The following SF3A1 variants were observed in gnomAD, a reference collection of about 807,000 sequenced individuals.
SF3A1 encodes the protein SAP 114.
A neutral mutation model predicts 89.9 loss-of-function variants in SF3A1; 13 were observed. That is an observed-to-expected ratio of 0.14 (90% CI 0.09 to 0.23). The LOEUF (loss-of-function observed/expected upper bound fraction) is 0.23, where lower values mean the gene tolerates loss of function less well. Among genes scored for constraint, SF3A1 ranks in the 10% least tolerant of loss-of-function variants. The pLI, the probability that SF3A1 is intolerant of heterozygous loss-of-function variation, is 1.00. For missense variants in SF3A1, 604 were observed against 1,022.1 expected (o/e 0.59, Z 5.58); for synonymous variants, 405 against 374.4 (o/e 1.08, Z -0.94).
At chr22:30,345,657 G>C (rs1205769657) in intron 3 of SF3A1, among the ~76,000 whole-genome samples, 1 of 152,210 alleles carries the variant, frequency 6.6e-6, no homozygotes, top group Non-Finnish European at 1.5e-5. Flanking sequence ...GTAGCCTGAG[G>C]TCCTAGGCCT....
In SF3A1 at chr22:30,353,337, T is replaced by C. The variant is rs779560403; in HGVS notation, c.64-265A>G. 7.5e-4 allele frequency among the ~76,000 whole-genome samples: 114 copies of C among 152,316 alleles called. 1 individual carries two copies. The highest frequency in any genetic ancestry group is 1.2e-3 in the Non-Finnish European group (84 of 68,026). On this transcript the variant is annotated intron_variant, in intron 1 of 15. Coordinates refer to ENST00000215793, the MANE Select transcript of SF3A1 (RefSeq NM_005877.6). ...TGAGACCAGGAATCTGCATTTTTAC[T>C]ATGGTATGAGACCAGCACTTCTCCT...
Position 30,345,150 on chromosome 22 carries a change from T to G in SF3A1, c.434A>C (p.Glu145Ala), listed in dbSNP as rs1931380668. 1 of 1,614,046 alleles carries G rather than the reference T, an allele frequency of 6.2e-7. No individual in the cohort carries two copies. The highest frequency in any genetic ancestry group is 1.1e-5 in the South Asian group (1 of 91,080). ...QVIQETIVPK[E>A]PPPEFEFIAD... Reference sequence around the variant, plus strand: ...AATGAACTCAAACTCAGGAGGAGGCTCTTTGGGCACGATGGTCTCTTGGAT... The same window carrying G: ...AATGAACTCAAACTCAGGAGGAGGCGCTTTGGGCACGATGGTCTCTTGGAT... Residue 145 changes from glutamate (E) to alanine (A), a missense_variant, in exon 4 of 16, where the codon GAG becomes GCG. Transcript: ENST00000215793.
At chr22:30,354,298 T>A (rs1003217644) in intron 1 of SF3A1, among the ~76,000 whole-genome samples, 3 of 152,132 alleles carry the variant, frequency 2.0e-5, no homozygotes, top group African/African-American at 4.8e-5. Context: ...CTTCCCTGCC[T>A]CCCATCTGGT....
At chr22:30,346,097 T>C (rs1207738601) in intron 3 of SF3A1, 1 of 567,988 alleles carries the variant, frequency 1.8e-6, no homozygotes, top group South Asian at 2.1e-5. Flanking sequence ...ACTCCTGAAG[T>C]ACCAAGCACA....
At chr22:30,342,516 G>A in intron 5 of SF3A1, 166 bp from the exon 6 acceptor site, 1 of 754,642 alleles carries the variant, frequency 1.3e-6, no homozygotes, top group South Asian at 1.9e-5. Flanking sequence ...GTGCAGAGTT[G>A]GGACAGAATG....
At chr22:30,335,829 CTGTCCAGACAA>C in intron 13 of SF3A1, 76 bp from the exon 14 acceptor site, 1 of 1,214,720 alleles carries the variant, frequency 8.2e-7, no homozygotes, top group South Asian at 1.2e-5. Context: ...ATCCCTAGGC[CTGTCCAGACAA>C]TGTCACCTGT....
In SF3A1 at chr22:30,332,864, G is replaced by A. The variant is rs749609163; in HGVS notation, c.*1730C>T. ...CAGCCTCAGCCACGGAAGTCCTGCAGGGTTTGCCAGTCTGTGGGGGTGAGT... is the reference window on the plus strand; with the variant it reads ...CAGCCTCAGCCACGGAAGTCCTGCAAGGTTTGCCAGTCTGTGGGGGTGAGT... On this transcript the variant is annotated 3_prime_UTR_variant, in exon 16 of 16. Coordinates refer to ENST00000215793, the MANE Select transcript of SF3A1 (RefSeq NM_005877.6). 2.0e-5 allele frequency: 3 copies of A among 152,252 alleles called. No homozygotes were observed. Among genetic ancestry groups the A allele is most frequent in the Non-Finnish European group, 2.9e-5 (2 of 68,076 alleles). The allele number at this position is 152,252 out of a possible 1,614,324, so 9.4% of individuals were successfully genotyped here.
chr22:30,347,552 T>A (rs1931457195), intron 2 of SF3A1, among the ~76,000 whole-genome samples: 1 of 152,074 alleles, frequency 6.6e-6, no homozygotes, highest in African/African-American at 2.4e-5. Flanking sequence ...CTTCAAAACC[T>A]CAGGATAATG....
intron 1 of SF3A1, 95 bp from the exon 2 acceptor site, chr22:30,353,167 C>T: frequency 1.4e-6 from 2 of 1,459,644 alleles, no homozygotes; most frequent in Non-Finnish European, 1.8e-6. Flanking sequence ...TCAGAGTAGA[C>T]TTTCATTCAC....
At chr22:30,356,265 G>A (rs1931830602) in intron 1 of SF3A1, among the ~76,000 whole-genome samples, 1 of 152,170 alleles carries the variant, frequency 6.6e-6, no homozygotes, top group African/African-American at 2.4e-5. Flanking sequence ...CACGGTGTCT[G>A]GCTTGGGGCA....
chr22:30,336,227 AAAAC>A (rs1414420280), intron 13 of SF3A1, among the ~76,000 whole-genome samples: 3 of 152,220 alleles, frequency 2.0e-5, no homozygotes, highest in African/African-American at 4.8e-5. Context: ...CTATTATTAA[AAAAC>A]AAACAGAGCG....
intron 5 of SF3A1, 104 bp downstream of exon 5, chr22:30,342,701 T>A: frequency 1.2e-6 from 1 of 807,292 alleles, no homozygotes; most frequent in Non-Finnish European, 2.1e-6. Flanking sequence ...CTCCCACCAT[T>A]CCCATGACTG....
rs762826119 is a variant in SF3A1, at chr22:30,338,881, T to C, written c.1651A>G (p.Asn551Asp). 6.8e-6 allele frequency: 11 copies of C among 1,614,052 alleles called. No homozygotes were observed. The highest frequency in any genetic ancestry group is 7.6e-6 in the Non-Finnish European group (9 of 1,180,036). The change falls in exon 11 of 16, where the codon AAT becomes GAT. Residue 551 changes from asparagine to aspartate, a missense_variant. Asn to Asp is a conservative substitution (Grantham distance 23). Transcript: ENST00000215793. ...TKEKIGPSKP[N>D]EIPQQPPPPS... Reference sequence around the variant, plus strand: ...GGCGGTGGCTGTTGAGGGATTTCATTGGGCTTGCTGGGGCCAATCTTCTCT... The same window carrying C: ...GGCGGTGGCTGTTGAGGGATTTCATCGGGCTTGCTGGGGCCAATCTTCTCT...
chr22:30,352,018 A>G (rs2145822118), intron 2 of SF3A1, among the ~76,000 whole-genome samples: 1 of 152,290 alleles, frequency 6.6e-6, no homozygotes, highest in Admixed American at 6.5e-5. Context: ...AACTCGGAGC[A>G]ATTCCCATTC....
In SF3A1 at chr22:30,337,675, G is replaced by T; in HGVS notation, c.1951+15C>A. ...CTGAACTAATGGCCTGGAAAATGAT[G>T]CAAGAGATACTGACCTGTTGGCACA... On this transcript the variant is annotated intron_variant, in intron 12 of 15. Coordinates refer to ENST00000215793, the MANE Select transcript of SF3A1 (RefSeq NM_005877.6). The T allele has an allele frequency of 1.1e-6, 1 of 951,790 alleles. No individual in the cohort carries two copies. The highest frequency in any genetic ancestry group is 1.5e-6 in the Non-Finnish European group (1 of 656,636). The allele number at this position is 951,790 out of a possible 1,614,324, so 59.0% of individuals were successfully genotyped here. A position where few individuals can be genotyped will look rare whatever the true frequency, so the allele number is the denominator to read the frequency against.
Position 30,356,781 on chromosome 22 carries a change from T to C in SF3A1, c.12A>G (p.Gly4=), listed in dbSNP as rs1299488900. Residue 4 remains glycine (G), a synonymous_variant, in exon 1 of 16, where the codon GGA becomes GGG. Coordinates refer to ENST00000215793, the MANE Select transcript of SF3A1 (RefSeq NM_005877.6). ...GCGGCGGGGGCACCGCCTGCACGGG[T>C]CCGGCCGGCATGACTGCGACGCTCA... MPA[G]PVQAVPPPPP... The C allele has an allele frequency of 2.1e-6, 3 of 1,429,710 alleles. No homozygotes were observed. Among genetic ancestry groups the C allele is most frequent in the Non-Finnish European group, 2.8e-6 (3 of 1,082,840 alleles). The allele number at this position is 1,429,710 out of a possible 1,614,324, so 88.6% of individuals were successfully genotyped here. A position where few individuals can be genotyped will look rare whatever the true frequency, so the allele number is the denominator to read the frequency against.
At chr22:30,350,907 T>C (rs1312937332) in intron 2 of SF3A1, among the ~76,000 whole-genome samples, 1 of 152,184 alleles carries the variant, frequency 6.6e-6, no homozygotes, top group African/African-American at 2.4e-5. Flanking sequence ...ATCATCACAA[T>C]GTTCAATCAA....
At chr22:30,344,501 T>C (rs555327937) in intron 4 of SF3A1, among the ~76,000 whole-genome samples, 1 of 152,348 alleles carries the variant, frequency 6.6e-6, no homozygotes, top group South Asian at 2.1e-4. Context: ...TGACTTCACC[T>C]TTCTGAGCCT....
intron 2 of SF3A1, among the ~76,000 whole-genome samples, chr22:30,347,993 C>G (rs1046078309): frequency 2.0e-5 from 3 of 152,238 alleles, no homozygotes; most frequent in Admixed American, 6.5e-5. Flanking sequence ...AGGCATATAC[C>G]ACCATGCTCG....
Sources: gnomAD v4.1 joint callset for allele counts (sites outside exome capture counted in the v4.1 genomes callset) on GRCh38, gnomAD v4.1.1 for gene constraint, MANE v1.5 for transcripts, NCBI Gene and HGNC (gene_info 2026-07-23, HGNC 2026-07-21) for gene names.